CCDC144A: variants seen among roughly 807,000 people sequenced by gnomAD.
CCDC144A encodes the protein coiled-coil domain-containing protein 144A.
Under a neutral mutation model 143.8 loss-of-function variants are expected in CCDC144A, and 41 were observed. That is an observed-to-expected ratio of 0.29 (90% confidence interval 0.22 to 0.37). CCDC144A has a LOEUF of 0.37. CCDC144A is among the 10% of genes least tolerant of loss of function. The pLI, the probability that CCDC144A is intolerant of heterozygous loss-of-function variation, is 1.00. For synonymous variants in CCDC144A, 242 were observed against 517.9 expected, an observed-to-expected ratio of 0.47 and a Z score of 7.23; for missense variants, 637 against 1,488.8, an observed-to-expected ratio of 0.43 and a Z score of 9.41.
Position 16,728,712 on chromosome 17 carries a change from G to C in CCDC144A, c.2105+972G>C, listed in dbSNP as rs1266814281. The stretch of plus-strand genomic sequence containing the variant: ...AGTAGTACACATTGTACCTCAGTAG[G>C]TAGTTTCTCATCCCTCATCCTCCTC... On this transcript the variant is annotated intron_variant, in intron 9 of 16. Coordinates refer to ENST00000399273, the MANE Select transcript of CCDC144A (RefSeq NM_001382000.1). Among the ~76,000 whole-genome samples, 6 of 152,086 alleles carry C rather than the reference G, an allele frequency of 3.9e-5. No individual in the cohort carries two copies. The East Asian group carries it at 1.2e-3, about 29-fold the overall frequency.
chr17:16,733,852 A>G (rs1913867998), intron 11 of CCDC144A, among the ~76,000 whole-genome samples: 2 of 152,228 alleles, frequency 1.3e-5, no homozygotes, highest in South Asian at 4.1e-4. Flanking sequence ...AGTGCTTGGT[A>G]CAAGGCCAGG....
In CCDC144A at chr17:16,764,040, C is replaced by T. The variant is rs755559737; in HGVS notation, c.3963C>T (p.Phe1321=). Residue 1321 remains phenylalanine, a synonymous_variant, in exon 15 of 17, where the codon TTC becomes TTT. Coordinates refer to ENST00000399273, the MANE Select transcript of CCDC144A (RefSeq NM_001382000.1). The part of the protein sequence containing the change: ...EKEQTRSRSL[F]TAYATRPVLE... ...AGCAGACCAGATCCAGATCTCTATTCACTGCTTATGCTACAAGGCCAGTCC... is the reference window on the plus strand; with the variant it reads ...AGCAGACCAGATCCAGATCTCTATTTACTGCTTATGCTACAAGGCCAGTCC... The T allele has an allele frequency of 6.2e-7, 1 of 1,613,616 alleles. No individual in the cohort carries two copies. The highest frequency in any genetic ancestry group is 2.2e-5 in the East Asian group (1 of 44,860).
chr17:16,745,689 C>T lies in CCDC144A; in HGVS notation c.3372+10046C>T, dbSNP rs1597578167. 3.7e-6 allele frequency: 6 copies of T among 1,613,602 alleles called. No individual in the cohort carries two copies. In the East Asian group the frequency reaches 1.1e-4, roughly 30 times the overall value. ...CCCCGAACCTTCTGCCTTGCAGATC[C>T]TCCTGTTTCCGCCACACTCTCGCGC... On this transcript the variant is annotated intron_variant, in intron 12 of 16. Coordinates refer to ENST00000399273, the MANE Select transcript of CCDC144A (RefSeq NM_001382000.1).
At chr17:16,704,042 T>G (rs566887959) in intron 2 of CCDC144A, among the ~76,000 whole-genome samples, 78 of 152,360 alleles carry the variant, frequency 5.1e-4, no homozygotes, top group Non-Finnish European at 9.4e-4. Context: ...GATCATAATT[T>G]AGAGTCAACA....
chr17:16,675,743 A>T, the CCDC144A span, among the ~76,000 whole-genome samples: 1 of 152,070 alleles, frequency 6.6e-6, no homozygotes, highest in African/African-American at 2.4e-5. Context: ...CGTTAAGCTT[A>T]AATTATTATT....
intron 12 of CCDC144A, among the ~76,000 whole-genome samples, chr17:16,738,263 GT>G (rs1341420123): frequency 4.3e-5 from 6 of 141,144 alleles, no homozygotes; most frequent in Non-Finnish European, 9.2e-5. Context: ...TACAAATCAT[GT>G]ATAGTATGTA....
At chr17:16,710,111 A>AG (rs1209584525) in intron 5 of CCDC144A, 1 of 176,220 alleles carries the variant, frequency 5.7e-6, no homozygotes, top group Non-Finnish European at 1.2e-5. Flanking sequence ...AGCCTAAGGC[A>AG]GGAGGATCAT....
chr17:16,759,377 T>C (rs543150170), intron 12 of CCDC144A, among the ~76,000 whole-genome samples: 2,041 of 151,848 alleles, frequency 0.013, no homozygotes, highest in Middle Eastern at 0.048. Flanking sequence ...TTCACAGTAT[T>C]ATAAAAAGTC....
chr17:16,672,302 G>A, the CCDC144A span, among the ~76,000 whole-genome samples: 5 of 151,766 alleles, frequency 3.3e-5, no homozygotes, highest in Admixed American at 1.3e-4. Flanking sequence ...CATGTCGGCC[G>A]GGCACAGTGG....
In CCDC144A at chr17:16,709,140, T is replaced by C; in HGVS notation, c.1083T>C (p.Phe361=). 1.2e-6 allele frequency: 2 copies of C among 1,611,670 alleles called. No homozygotes were observed. The highest frequency in any genetic ancestry group is 1.7e-6 in the Non-Finnish European group (2 of 1,179,634). The change falls in exon 5 of 17, where the codon TTT becomes TTC. Residue 361 remains phenylalanine, a synonymous_variant. Transcript: ENST00000399273. ...EISVSVVFET[F]PEQKEPSLKN... ...CTGTCTCAGTGGTATTCGAGACATT[T>C]CCTGAACAAAAAGAACCCAGTCTCA...
rs538051170 is a variant in CCDC144A, at chr17:16,764,489, T to G, written c.4098+314T>G. ...GATGTGCTTTGTCTTACTAATTGATTTTAGTTTGTCTGGGGTTCACTTTTA... is the reference window on the plus strand; with the variant it reads ...GATGTGCTTTGTCTTACTAATTGATGTTAGTTTGTCTGGGGTTCACTTTTA... On this transcript the variant is annotated intron_variant, in intron 15 of 16. Coordinates refer to ENST00000399273, the MANE Select transcript of CCDC144A (RefSeq NM_001382000.1). 1.5e-3 allele frequency: 528 copies of G among 361,730 alleles called. 1 individual carries two copies. Among genetic ancestry groups the G allele is most frequent in the African/African-American group, 0.011 (517 of 46,798 alleles). 22.4% of individuals were successfully genotyped at this position (361,730 alleles called of 1,614,324 possible). A position where few individuals can be genotyped will look rare whatever the true frequency, so the allele number is the denominator to read the frequency against.
chr17:16,683,490 C>T, the CCDC144A span: 4 of 1,459,848 alleles, frequency 2.7e-6, no homozygotes, highest in Non-Finnish European at 3.8e-6. Flanking sequence ...CTTGCCCTGC[C>T]GCCGCTCTCG....
At chr17:16,761,374 A>G (rs181976447) in intron 12 of CCDC144A, 51 bp from the exon 13 acceptor site, 654 of 1,554,884 alleles carry the variant, frequency 4.2e-4, no homozygotes, top group Non-Finnish European at 5.5e-4. Flanking sequence ...TTGTTAGACC[A>G]TTCTCAGTCT....
intron 15 of CCDC144A, 29 bp from the exon 16 acceptor site, chr17:16,771,948 C>T (rs376178577): frequency 2.5e-5 from 37 of 1,496,014 alleles, no homozygotes; most frequent in African/African-American, 5.6e-5. Context: ...TCTTCTTAAA[C>T]GTTATAAATA....
At chr17:16,767,708 C>G (rs1235295077) in intron 15 of CCDC144A, among the ~76,000 whole-genome samples, 4 of 152,234 alleles carry the variant, frequency 2.6e-5, no homozygotes, top group Non-Finnish European at 4.4e-5. Context: ...CTATCATACT[C>G]AGCATTTTCT....
At chr17:16,719,136 G>GT (rs1216947787) in intron 6 of CCDC144A, among the ~76,000 whole-genome samples, 84 of 151,220 alleles carry the variant, frequency 5.6e-4, no homozygotes, top group African/African-American at 2.0e-3. Flanking sequence ...GGCCTATAAA[G>GT]TTTTTTTAAA....
At chr17:16,758,543 A>G (rs1915208110) in intron 12 of CCDC144A, among the ~76,000 whole-genome samples, 1 of 152,226 alleles carries the variant, frequency 6.6e-6, no homozygotes, top group South Asian at 2.1e-4. Context: ...CAGAGAGAAA[A>G]TGGGAGTCAC....
At chr17:16,699,503 G>T (rs28654783) in intron 2 of CCDC144A, among the ~76,000 whole-genome samples, 1 of 12,794 alleles carries the variant, frequency 7.8e-5, no homozygotes, top group Non-Finnish European at 1.3e-4. Flanking sequence ...AGCCTCCTGA[G>T]TAGCTGGGAT....
In CCDC144A at chr17:16,774,956, A is replaced by C. The variant is rs922810809; in HGVS notation, c.*1323A>C. On this transcript the variant is annotated 3_prime_UTR_variant, in exon 17 of 17. Coordinates refer to ENST00000399273, the MANE Select transcript of CCDC144A (RefSeq NM_001382000.1). ...TCAGCTCCCACTTGTAAGTGAGAGC[A>C]TGCAGTATTTCATTTTCTATTTCTG... 6.6e-6 allele frequency: 1 copy of C among 150,566 alleles called. No individual in the cohort carries two copies. The highest frequency in any genetic ancestry group is 1.5e-5 in the Non-Finnish European group (1 of 67,988). The allele number at this position is 150,566 out of a possible 1,614,324, so 9.3% of individuals were successfully genotyped here.
Sources: allele counts gnomAD v4.1 joint callset (sites outside exome capture counted in the v4.1 genomes callset), GRCh38; gene constraint gnomAD v4.1.1; transcripts MANE v1.5; gene names NCBI Gene and HGNC (gene_info 2026-07-23, HGNC 2026-07-21).